Variants in MNAT1 observed in about 807,000 individuals in gnomAD.
The protein encoded by MNAT1 is CDK-activating kinase assembly factor MAT1.
Under a neutral mutation model 42.0 loss-of-function variants are expected in MNAT1, and 43 were observed. The observed-to-expected ratio is 1.02, with a 90% CI of 0.80 to 1.32. The LOEUF (loss-of-function observed/expected upper bound fraction) is 1.32, where lower values mean the gene tolerates loss of function less well. MNAT1 is among the 40% of genes most tolerant of loss of function. The pLI is 0.00. For synonymous variants in MNAT1, 118 were observed against 120.0 expected (o/e 0.98, Z 0.11); for missense variants, 306 against 350.4 (o/e 0.87, Z 1.01).
intron 1 of MNAT1, among the ~76,000 whole-genome samples, chr14:60,761,085 T>C (rs943852892): frequency 6.6e-6 from 1 of 152,240 alleles, no homozygotes; most frequent in Non-Finnish European, 1.5e-5. Context: ...TAATATGTAA[T>C]GTGTTTACTT....
intron 1 of MNAT1, among the ~76,000 whole-genome samples, chr14:60,748,591 T>C (rs1011529695): frequency 2.7e-5 from 4 of 149,930 alleles, no homozygotes; most frequent in African/African-American, 4.9e-5. Flanking sequence ...ACCTACACAT[T>C]AGCACATACA....
intron 1 of MNAT1, among the ~76,000 whole-genome samples, chr14:60,769,185 G>A (rs1265732787): frequency 6.6e-6 from 1 of 151,692 alleles, no homozygotes; most frequent in African/African-American, 2.4e-5. Flanking sequence ...TCATAGATTG[G>A]CCAGATATTG....
intron 1 of MNAT1, among the ~76,000 whole-genome samples, chr14:60,753,067 C>T (rs2030169450): frequency 6.6e-6 from 1 of 152,176 alleles, no homozygotes; most frequent in Non-Finnish European, 1.5e-5. Context: ...ACCTGGCTTG[C>T]ACTAGTTATT....
chr14:60,777,773 T>G (rs2031305119), intron 1 of MNAT1, among the ~76,000 whole-genome samples: 1 of 152,204 alleles, frequency 6.6e-6, no homozygotes, highest in Non-Finnish European at 1.5e-5. Flanking sequence ...AGTATCTAAC[T>G]GAATATAAAA....
intron 7 of MNAT1, among the ~76,000 whole-genome samples, chr14:60,883,028 A>G (rs111702746): frequency 6.6e-5 from 10 of 152,114 alleles, no homozygotes; most frequent in African/African-American, 2.4e-4. Context: ...CTCCCATTCT[A>G]TAGGTTGTCT....
At chr14:60,741,019 AT>A (rs1566746861) in intron 1 of MNAT1, among the ~76,000 whole-genome samples, 1 of 152,122 alleles carries the variant, frequency 6.6e-6, no homozygotes, top group Non-Finnish European at 1.5e-5. Flanking sequence ...TACTTTATGC[AT>A]TTTGGAACTC....
chr14:60,815,343 T>C (rs957433728), intron 5 of MNAT1, among the ~76,000 whole-genome samples: 4 of 151,844 alleles, frequency 2.6e-5, no homozygotes, highest in African/African-American at 9.7e-5. Flanking sequence ...GCCTCCCGAG[T>C]AGCTAGGATT....
At chr14:60,896,968 C>G (rs1050267167) in intron 7 of MNAT1, among the ~76,000 whole-genome samples, 2 of 152,134 alleles carry the variant, frequency 1.3e-5, no homozygotes, top group Admixed American at 1.3e-4. Flanking sequence ...TCTGAACCTA[C>G]TCTTAAAATT....
At chr14:60,945,964 C>A (rs1283425148) in intron 7 of MNAT1, among the ~76,000 whole-genome samples, 2 of 152,170 alleles carry the variant, frequency 1.3e-5, no homozygotes, top group South Asian at 2.1e-4. Context: ...TCCAAAGCCA[C>A]ACTCTAACTA....
intron 7 of MNAT1, among the ~76,000 whole-genome samples, chr14:60,957,350 A>G (rs2036504783): frequency 6.6e-6 from 1 of 152,204 alleles, no homozygotes; most frequent in South Asian, 2.1e-4. Flanking sequence ...TCTCAGTTCC[A>G]CATGGTTGGG....
chr14:60,837,453 G>C (rs2139394943), intron 6 of MNAT1, among the ~76,000 whole-genome samples: 1 of 152,302 alleles, frequency 6.6e-6, no homozygotes, highest in Middle Eastern at 3.4e-3. Context: ...GTCCCTCATG[G>C]CTTCCTTTGG....
In MNAT1 at chr14:60,796,191, G is replaced by A. The variant is rs1372496739; in HGVS notation, c.90-26G>A. On this transcript the variant is annotated intron_variant, in intron 1 of 7. Coordinates refer to ENST00000261245, the MANE Select transcript of MNAT1 (RefSeq NM_002431.4). Reference sequence around the variant, plus strand: ...TGTAGATTTGAACATTGGCTTAAATGTTATGTTTTATTTCTGTCCTTACAG... The same window carrying A: ...TGTAGATTTGAACATTGGCTTAAATATTATGTTTTATTTCTGTCCTTACAG... 4.4e-6 allele frequency: 7 copies of A among 1,595,656 alleles called. No individual in the cohort carries two copies. In the South Asian group the frequency reaches 4.5e-5, roughly 10 times the overall value.
At chr14:60,856,531 CCTT>C (rs1277092020) in intron 6 of MNAT1, among the ~76,000 whole-genome samples, 2 of 152,060 alleles carry the variant, frequency 1.3e-5, no homozygotes, top group East Asian at 3.9e-4. Flanking sequence ...GATTAAACAT[CCTT>C]CTACTGAAAG....
chr14:60,762,199 T>C (rs1229744233), intron 1 of MNAT1, among the ~76,000 whole-genome samples: 1 of 152,198 alleles, frequency 6.6e-6, no homozygotes, highest in African/African-American at 2.4e-5. Flanking sequence ...TCTCTCTTTG[T>C]TTAGAAATCT....
intron 7 of MNAT1, among the ~76,000 whole-genome samples, chr14:60,897,620 C>T (rs1361404564): frequency 6.6e-6 from 1 of 152,016 alleles, no homozygotes; most frequent in East Asian, 1.9e-4. Context: ...TTTACTGATA[C>T]ATAATATTTT....
chr14:60,844,372 T>G (rs1319563623), intron 6 of MNAT1, among the ~76,000 whole-genome samples: 1 of 152,124 alleles, frequency 6.6e-6, no homozygotes, highest in African/African-American at 2.4e-5. Flanking sequence ...TATGCTTCAT[T>G]TATTTAGGGC....
intron 7 of MNAT1, among the ~76,000 whole-genome samples, chr14:60,907,343 G>A (rs2035222536): frequency 6.8e-6 from 1 of 147,284 alleles, no homozygotes. Flanking sequence ...TGAGGCAGGA[G>A]AATCGCTTGA....
At chr14:60,857,941 A>G (rs904006609) in intron 6 of MNAT1, among the ~76,000 whole-genome samples, 6 of 152,110 alleles carry the variant, frequency 3.9e-5, no homozygotes, top group African/African-American at 1.4e-4. Flanking sequence ...TCCATGGTGT[A>G]TATGTGCCAC....
chr14:60,803,570 G>C (rs983548157), intron 3 of MNAT1, among the ~76,000 whole-genome samples: 2 of 152,114 alleles, frequency 1.3e-5, no homozygotes, highest in Non-Finnish European at 2.9e-5. Context: ...CTAGAACATG[G>C]AGTTCTATGG....
Sources: allele counts gnomAD v4.1 joint callset (sites outside exome capture counted in the v4.1 genomes callset), GRCh38; gene constraint gnomAD v4.1.1; transcripts MANE v1.5; gene names NCBI Gene and HGNC (gene_info 2026-07-23, HGNC 2026-07-21).